The following RNGTT variants were observed in gnomAD, a reference collection of about 807,000 sequenced individuals.
The protein encoded by RNGTT is RNA guanylyltransferase and 5'-phosphatase.
Under a neutral mutation model 79.3 loss-of-function variants are expected in RNGTT, and 33 were observed. The ratio of observed to expected loss-of-function variants is 0.42; its 90% CI spans 0.32 to 0.56. The LOEUF (loss-of-function observed/expected upper bound fraction) is 0.56, where lower values mean the gene tolerates loss of function less well. RNGTT is among the 20% of genes least tolerant of loss of function. The probability of loss-of-function intolerance (pLI) is 0.17; values close to 1 mark genes in which losing one functional copy is unlikely to be tolerated. For missense variants in RNGTT, 497 were observed against 739.1 expected (o/e 0.67, Z 3.80); for synonymous variants, 222 against 235.9 (o/e 0.94, Z 0.54).
At chr6:88,704,745 G>A (rs1776073737) in intron 13 of RNGTT, among the ~76,000 whole-genome samples, 1 of 152,048 alleles carries the variant, frequency 6.6e-6, no homozygotes, top group African/African-American at 2.4e-5. Context: ...ATTCAACATG[G>A]TCTGCTTCTC....
chr6:88,662,733 G>A (rs577179620), intron 14 of RNGTT, among the ~76,000 whole-genome samples: 10 of 152,258 alleles, frequency 6.6e-5, no homozygotes, highest in Admixed American at 1.3e-4. Context: ...GAGCACTCTC[G>A]CGTAGGCAAT....
intron 4 of RNGTT, among the ~76,000 whole-genome samples, chr6:88,918,490 ATTAT>A (rs1784067700): frequency 6.6e-6 from 1 of 152,074 alleles, no homozygotes; most frequent in Non-Finnish European, 1.5e-5. Context: ...GCGGGAGGGG[ATTAT>A]TTAACAAGTT....
chr6:88,711,811 T>G (rs933639706), intron 13 of RNGTT, among the ~76,000 whole-genome samples: 3 of 152,210 alleles, frequency 2.0e-5, no homozygotes, highest in African/African-American at 7.2e-5. Context: ...TTTACTCATT[T>G]TTTGAGCACC....
intron 1 of RNGTT, among the ~76,000 whole-genome samples, chr6:88,957,979 A>G (rs1273275674): frequency 1.3e-5 from 2 of 152,232 alleles, no homozygotes; most frequent in African/African-American, 4.8e-5. Flanking sequence ...TTCAAATTAT[A>G]CTACAAGACT....
chr6:88,818,284 A>G (rs968407427), intron 11 of RNGTT, among the ~76,000 whole-genome samples: 1 of 152,162 alleles, frequency 6.6e-6, no homozygotes, highest in African/African-American at 2.4e-5. Flanking sequence ...CCAGGAGCAT[A>G]ATTTAAGTTT....
intron 13 of RNGTT, among the ~76,000 whole-genome samples, chr6:88,746,414 TC>T (rs1562230911): frequency 6.6e-6 from 1 of 152,086 alleles, no homozygotes; most frequent in Non-Finnish European, 1.5e-5. Flanking sequence ...TACCAAATCA[TC>T]CCCAGAAGGG....
At chr6:88,650,786 A>C (rs1288985826) in intron 14 of RNGTT, among the ~76,000 whole-genome samples, 2 of 152,318 alleles carry the variant, frequency 1.3e-5, no homozygotes, top group South Asian at 2.1e-4. Context: ...AATCTTGTGG[A>C]CATGAAGAAG....
intron 12 of RNGTT, among the ~76,000 whole-genome samples, chr6:88,777,981 T>C (rs1156651590): frequency 2.0e-5 from 3 of 152,182 alleles, no homozygotes; most frequent in Non-Finnish European, 2.9e-5. Flanking sequence ...ACCTATTTTA[T>C]TGGAAGTTTT....
rs1415293382 is a variant in RNGTT, at chr6:88,941,110, G to A, written c.135C>T (p.Phe45=). ...GGTAATTTGAGAGCATGCTGGGATGGAACCGATTTTCTTCAGCAACTTGAC... is the reference window on the plus strand; with the variant it reads ...GGTAATTTGAGAGCATGCTGGGATGAAACCGATTTTCTTCAGCAACTTGAC... The part of the protein sequence containing the change: ...YDSQVAEENR[F]HPSMLSNYLK... Residue 45 remains phenylalanine (F), a synonymous_variant, in exon 2 of 16, where the codon TTC becomes TTT. Coordinates refer to ENST00000369485, the MANE Select transcript of RNGTT (RefSeq NM_003800.5). 1 of 1,613,318 alleles carries A rather than the reference G, an allele frequency of 6.2e-7. No individual in the cohort carries two copies. Among genetic ancestry groups the A allele is most frequent in the East Asian group, 2.2e-5 (1 of 44,844 alleles).
At chr6:88,715,139 A>G (rs35403507) in intron 13 of RNGTT, among the ~76,000 whole-genome samples, 17,997 of 152,144 alleles carry the variant, frequency 0.12, 1,179 homozygotes, top group Middle Eastern at 0.23. Flanking sequence ...AAATCAATGT[A>G]CAAAAATCAT....
intron 13 of RNGTT, among the ~76,000 whole-genome samples, chr6:88,697,542 C>T (rs1350903967): frequency 1.3e-5 from 2 of 151,422 alleles, no homozygotes; most frequent in Admixed American, 1.3e-4. Flanking sequence ...CAAAGCAAGA[C>T]TGTCTCAAAA....
chr6:88,735,547 C>A (rs1777256523), intron 13 of RNGTT, among the ~76,000 whole-genome samples: 1 of 139,470 alleles, frequency 7.2e-6, no homozygotes, highest in African/African-American at 2.7e-5. Flanking sequence ...AAACAACTTA[C>A]TTCAGAATAA....
intron 6 of RNGTT, among the ~76,000 whole-genome samples, chr6:88,897,108 T>C (rs975725435): frequency 6.6e-6 from 1 of 152,204 alleles, no homozygotes; most frequent in Admixed American, 6.5e-5. Context: ...TAACAGTCCC[T>C]TCATTTCTCC....
chr6:88,956,574 A>T (rs1358294628), intron 1 of RNGTT, among the ~76,000 whole-genome samples: 2 of 152,156 alleles, frequency 1.3e-5, no homozygotes, highest in African/African-American at 2.4e-5. Context: ...CAAAACCAGG[A>T]AACAATATAA....
intron 11 of RNGTT, among the ~76,000 whole-genome samples, chr6:88,807,088 G>A (rs2127867582): frequency 6.6e-6 from 1 of 152,260 alleles, no homozygotes; most frequent in Admixed American, 6.5e-5. Flanking sequence ...CCAGGCACCT[G>A]TGGGGGGCAT....
intron 13 of RNGTT, among the ~76,000 whole-genome samples, chr6:88,710,745 A>G (rs1275166847): frequency 6.6e-6 from 1 of 152,234 alleles, no homozygotes; most frequent in East Asian, 1.9e-4. Flanking sequence ...ATAAAATTTT[A>G]TAGAAAAATG....
chr6:88,903,164 G>A (rs1006362204), intron 6 of RNGTT, among the ~76,000 whole-genome samples: 2 of 152,186 alleles, frequency 1.3e-5, no homozygotes, highest in African/African-American at 4.8e-5. Flanking sequence ...TACATGAAAT[G>A]TACATGGACT....
chr6:88,716,464 T>G (rs1582374757), intron 13 of RNGTT, among the ~76,000 whole-genome samples: 1 of 152,204 alleles, frequency 6.6e-6, no homozygotes, highest in Non-Finnish European at 1.5e-5. Context: ...ATCCCATTAC[T>G]GGGTACATAC....
At chr6:88,716,434 A>T (rs1053934287) in intron 13 of RNGTT, among the ~76,000 whole-genome samples, 7 of 152,202 alleles carry the variant, frequency 4.6e-5, no homozygotes, top group Admixed American at 6.5e-5. Context: ...CTAGAACTAG[A>T]AATACCATTT....
Sources: allele counts gnomAD v4.1 joint callset (sites outside exome capture counted in the v4.1 genomes callset), GRCh38; gene constraint gnomAD v4.1.1; transcripts MANE v1.5; gene names NCBI Gene and HGNC (gene_info 2026-07-23, HGNC 2026-07-21).